The following B4GALT6 variants were observed in gnomAD, a reference collection of about 807,000 sequenced individuals.
B4GALT6 encodes the protein UDP-Gal:beta-GlcNAc beta-1,4-galactosyltransferase 6.
In B4GALT6, 14 loss-of-function variants were observed where a neutral mutation model predicts 46.3. That is an observed-to-expected ratio of 0.30 (90% confidence interval 0.20 to 0.47). The LOEUF is 0.47. Ranked by LOEUF, B4GALT6 falls within the 20% of genes least tolerant of loss-of-function variation. The pLI is 0.99. For missense variants in B4GALT6, 386 were observed against 480.1 expected, an observed-to-expected ratio of 0.80 and a Z score of 1.83; for synonymous variants, 168 against 162.0, an observed-to-expected ratio of 1.04 and a Z score of -0.28.
chr18:31,679,655 A>G (rs2074457272), intron 1 of B4GALT6, among the ~76,000 whole-genome samples: 1 of 152,176 alleles, frequency 6.6e-6, no homozygotes, highest in Non-Finnish European at 1.5e-5. Context: ...CACCTACATG[A>G]TGAAGACAAT....
At position 31,637,442 on chromosome 18, in the gene B4GALT6, C is replaced by A. The variant is rs2848661; in HGVS notation, c.588+1202G>T. On this transcript the variant is annotated intron_variant, in intron 5 of 8. Transcript: ENST00000306851. ...GTTCAATGGATGCATATTTACTTAC[C>A]AACTGTAGAGCTGGGTCTATATCCT... 6.7e-4 allele frequency among the ~76,000 whole-genome samples: 101 copies of A among 150,552 alleles called. 1 individual carries two copies. The highest frequency in any genetic ancestry group is 2.3e-3 in the East Asian group (12 of 5,138).
In B4GALT6 at chr18:31,626,295, T is replaced by C; in HGVS notation, c.989A>G (p.Gln330Arg). The C allele has an allele frequency of 6.3e-7, 1 of 1,582,922 alleles. No homozygotes were observed. Among genetic ancestry groups the C allele is most frequent in the Non-Finnish European group, 8.6e-7 (1 of 1,161,140 alleles). ...SIPHHHRGEV[Q>R]FLGRYKLLRY... Reference sequence around the variant, plus strand: ...ACATTCAACTTACCGTCCTAAAAACTGGACTTCACCTCTATGGTGATGAGG... The same window carrying C: ...ACATTCAACTTACCGTCCTAAAAACCGGACTTCACCTCTATGGTGATGAGG... Residue 330 changes from glutamine (Q) to arginine (R), a missense_variant, in exon 8 of 9, where the codon CAG becomes CGG. This residue lies in a region of B4GALT6 where 323 missense variants were observed against 438.9 expected (regional missense o/e 0.74). Transcript: ENST00000306851.
chr18:31,633,667 C>G (rs1055841276), intron 5 of B4GALT6, among the ~76,000 whole-genome samples: 6 of 152,150 alleles, frequency 3.9e-5, no homozygotes, highest in Admixed American at 6.5e-5. Flanking sequence ...CTGGCAACAT[C>G]GACCTCTTTG....
At chr18:31,718,573 G>A in the B4GALT6 span, among the ~76,000 whole-genome samples, 1 of 152,162 alleles carries the variant, frequency 6.6e-6, no homozygotes, top group Admixed American at 6.6e-5. Flanking sequence ...GTTGTGCAGA[G>A]TCACTAAGAG....
chr18:31,660,115 C>G (rs892950454), intron 2 of B4GALT6, among the ~76,000 whole-genome samples: 1 of 151,854 alleles, frequency 6.6e-6, no homozygotes, highest in African/African-American at 2.4e-5. Context: ...TGCACCACCA[C>G]ACCCAGCTAA....
At chr18:31,677,917 G>A (rs1049241035) in intron 1 of B4GALT6, among the ~76,000 whole-genome samples, 4 of 152,088 alleles carry the variant, frequency 2.6e-5, no homozygotes, top group Admixed American at 6.6e-5. Flanking sequence ...TCCCAATGGC[G>A]ACCTAGGAAA....
the B4GALT6 span, among the ~76,000 whole-genome samples, chr18:31,706,564 G>C: frequency 6.6e-6 from 1 of 152,146 alleles, no homozygotes; most frequent in Non-Finnish European, 1.5e-5. Context: ...CCAGGAGGTG[G>C]AGGCTGTAGT....
chr18:31,655,819 T>G (rs1338486428), intron 3 of B4GALT6, among the ~76,000 whole-genome samples: 1 of 152,112 alleles, frequency 6.6e-6, no homozygotes, highest in East Asian at 1.9e-4. Flanking sequence ...AATAACAAAG[T>G]AATGACAACC....
At chr18:31,715,717 A>ATTT in the B4GALT6 span, among the ~76,000 whole-genome samples, 1 of 144,598 alleles carries the variant, frequency 6.9e-6, no homozygotes, top group Non-Finnish European at 1.5e-5. Flanking sequence ...CACCTGGCTA[A>ATTT]TTTTTTTTTT....
intron 1 of B4GALT6, among the ~76,000 whole-genome samples, chr18:31,672,147 T>C (rs962307126): frequency 5.3e-5 from 8 of 152,338 alleles, no homozygotes; most frequent in African/African-American, 1.9e-4. Flanking sequence ...TCTAGAACTG[T>C]TTCCTGGGCT....
the B4GALT6 span, among the ~76,000 whole-genome samples, chr18:31,709,553 A>ATGTGTGTGTGTG: frequency 4.7e-5 from 6 of 126,816 alleles, no homozygotes; most frequent in Middle Eastern, 4.2e-3. Context: ...TAGGATATAT[A>ATGTGTGTGTGTG]TGTGTGTGTG....
the B4GALT6 span, among the ~76,000 whole-genome samples, chr18:31,705,884 G>C: frequency 0.88 from 133,921 of 152,268 alleles, 58,955 homozygotes; most frequent in African/African-American, 0.93. Flanking sequence ...ACGTTTTTCT[G>C]AAATGCCTAT....
At chr18:31,656,628 G>A (rs1287172036) in intron 3 of B4GALT6, among the ~76,000 whole-genome samples, 1 of 152,042 alleles carries the variant, frequency 6.6e-6, no homozygotes, top group Non-Finnish European at 1.5e-5. Flanking sequence ...GTATTTATCT[G>A]TATGGCCTCT....
At chr18:31,655,413 G>T (rs574317131) in intron 3 of B4GALT6, among the ~76,000 whole-genome samples, 3 of 152,296 alleles carry the variant, frequency 2.0e-5, no homozygotes, top group South Asian at 2.1e-4. Flanking sequence ...TCTTATAAAA[G>T]AATGCAAGGA....
In B4GALT6 at chr18:31,666,861, C is replaced by T. The variant is rs541781549; in HGVS notation, c.116-489G>A. ...GTCCTGAAAATTCTTGATGTGTTTGCGGGGAGGGGTGATCTAGGATCAGTA... is the reference window on the plus strand; with the variant it reads ...GTCCTGAAAATTCTTGATGTGTTTGTGGGGAGGGGTGATCTAGGATCAGTA... On this transcript the variant is annotated intron_variant, in intron 1 of 8. Transcript: ENST00000306851. Among the ~76,000 whole-genome samples the T allele has an allele frequency of 6.1e-4, 93 of 151,898 alleles. 1 individual carries two copies. The highest frequency in any genetic ancestry group is 2.1e-3 in the African/African-American group (85 of 41,418).
At chr18:31,695,945 A>G in the B4GALT6 span, among the ~76,000 whole-genome samples, 1 of 152,256 alleles carries the variant, frequency 6.6e-6, no homozygotes, top group Non-Finnish European at 1.5e-5. Flanking sequence ...AAGAGGAAGA[A>G]AAAGAACATG....
At chr18:31,668,913 A>T (rs141957788) in intron 1 of B4GALT6, among the ~76,000 whole-genome samples, 7,391 of 151,344 alleles carry the variant, frequency 0.049, 243 homozygotes, top group African/African-American at 0.085. Flanking sequence ...CGGGAGGCTG[A>T]GGCAGGAGAA....
chr18:31,699,638 A>AG, the B4GALT6 span, among the ~76,000 whole-genome samples: 136 of 27,266 alleles, frequency 5.0e-3, no homozygotes, highest in African/African-American at 0.015. Context: ...TCTTCCTGGA[A>AG]AAAAAAAAAA....
chr18:31,681,476 T>G (rs1398544119), intron 1 of B4GALT6, among the ~76,000 whole-genome samples: 2 of 152,248 alleles, frequency 1.3e-5, no homozygotes. Context: ...AGACTATCCC[T>G]GTGTTTCCTG....
Sources: allele counts gnomAD v4.1 joint callset (sites outside exome capture counted in the v4.1 genomes callset), GRCh38; gene constraint gnomAD v4.1.1; regional missense constraint gnomAD v4.1.1; transcripts MANE v1.5; gene names NCBI Gene and HGNC (gene_info 2026-07-23, HGNC 2026-07-21).